The following SLC22A23 variants were observed in gnomAD, a reference collection of about 807,000 sequenced individuals.
SLC22A23 encodes the protein solute carrier family 22 member 23.
Under a neutral mutation model 61.0 loss-of-function variants are expected in SLC22A23, and 26 were observed. That is an observed-to-expected ratio of 0.43 (90% confidence interval 0.31 to 0.59). SLC22A23 has a LOEUF of 0.59. Ranked by LOEUF, SLC22A23 falls within the 20% of genes least tolerant of loss-of-function variation. The pLI is 0.11. For missense variants in SLC22A23, 796 were observed against 934.7 expected (o/e 0.85, Z 1.94); for synonymous variants, 430 against 413.9 (o/e 1.04, Z -0.47).
chr6:3,434,117 C>T (rs1309538139), intron 1 of SLC22A23, among the ~76,000 whole-genome samples: 1 of 152,082 alleles, frequency 6.6e-6, no homozygotes, highest in Non-Finnish European at 1.5e-5. Context: ...AGTTCGAGAC[C>T]AGCCTGACCA....
rs142766726 is a variant in SLC22A23 at position 3,409,974 on chromosome 6, G to A, written c.913+214C>T. Among the ~76,000 whole-genome samples, 1,118 of 152,266 alleles carry A rather than the reference G, an allele frequency of 7.3e-3. 4 individuals are homozygous for A. Among genetic ancestry groups the A allele is most frequent in the Middle Eastern group, 0.014 (4 of 294 alleles). ...CGCAACCTCCCGTGTCCTTTGATGT[G>A]CACTGAGCCCGAGCTGGAGATCAGG... On this transcript the variant is annotated intron_variant, in intron 3 of 9. Transcript: ENST00000406686.
rs1770564372 is a variant in SLC22A23 at position 3,427,281 on chromosome 6, T to C, written c.655-11426A>G. On this transcript the variant is annotated intron_variant, in intron 1 of 9. Coordinates refer to ENST00000406686, the MANE Select transcript of SLC22A23 (RefSeq NM_015482.2). The surrounding 1 kb of genome is among the most constrained non-coding windows in gnomAD (Gnocchi z 4.3). ...ACAAAGTGATTATTACTCATTAATT[T>C]TGTCTGTCAGTTAAGCAGGTCCTCG... is the stretch of plus-strand genomic sequence containing the variant. Among the ~76,000 whole-genome samples the C allele has an allele frequency of 6.6e-6, 1 of 152,152 alleles. No individual in the cohort carries two copies. The highest frequency in any genetic ancestry group is 1.5e-5 in the Non-Finnish European group (1 of 68,020).
At chr6:3,287,228 C>T (rs1388910326) in intron 6 of SLC22A23, 137 bp from the exon 7 acceptor site, 4 of 743,918 alleles carry the variant, frequency 5.4e-6, no homozygotes, top group African/African-American at 3.5e-5. Context: ...CCATCATGAC[C>T]GAACCACGAG....
intron 1 of SLC22A23, among the ~76,000 whole-genome samples, chr6:3,448,997 A>G (rs1290263369): frequency 6.6e-6 from 1 of 152,194 alleles, no homozygotes; most frequent in Non-Finnish European, 1.5e-5. Flanking sequence ...TATCTCCCAA[A>G]CGGAGGTGGA....
chr6:3,434,299 C>T lies in SLC22A23; in HGVS notation c.655-18444G>A, dbSNP rs148102821. On this transcript the variant is annotated intron_variant, in intron 1 of 9. Coordinates refer to ENST00000406686, the MANE Select transcript of SLC22A23 (RefSeq NM_015482.2). ...CTGTACTCCACCCTGGGCGACAGAG[C>T]GAAACTCTGTAAATAAATAAATAAA... Among the ~76,000 whole-genome samples, 278 of 151,756 alleles carry T rather than the reference C, an allele frequency of 1.8e-3. 1 individual carries two copies. Among genetic ancestry groups the T allele is most frequent in the African/African-American group, 6.5e-3 (267 of 41,340 alleles).
Position 3,317,265 on chromosome 6 carries a change from T to C in SLC22A23, c.1082+6569A>G, listed in dbSNP as rs563134947. On this transcript the variant is annotated intron_variant, in intron 4 of 9. Transcript: ENST00000406686. The surrounding 1 kb of genome is among the most constrained non-coding windows in gnomAD (Gnocchi z 4.4). ...TCCAAACACAAGACCAGGCTGTGTCTTGCACAAGGGCTCCCAGCTGAGGAA... is the reference window on the plus strand; with the variant it reads ...TCCAAACACAAGACCAGGCTGTGTCCTGCACAAGGGCTCCCAGCTGAGGAA... Among the ~76,000 whole-genome samples the C allele has an allele frequency of 6.6e-6, 1 of 152,338 alleles. No homozygotes were observed. The highest frequency in any genetic ancestry group is 2.4e-5 in the African/African-American group (1 of 41,574).
At chr6:3,431,460 T>C (rs928028) in intron 1 of SLC22A23, among the ~76,000 whole-genome samples, 142,417 of 152,264 alleles carry the variant, frequency 0.94, 66,756 homozygotes, top group East Asian at 0.97. Flanking sequence ...TTCAAAACCA[T>C]CTATGGGTGG....
In SLC22A23 at chr6:3,342,446, T is replaced by C. The variant is rs1581718747; in HGVS notation, c.914-18444A>G. On this transcript the variant is annotated intron_variant, in intron 3 of 9. Transcript: ENST00000406686. This position sits in a 1 kb window ranked among gnomAD's most constrained non-coding sequence, Gnocchi z 4.0. ...CACTAGGGTTCACGGCTCACCTCCTTTGAAACACACACACCTCTTTCTCTC... is the reference window on the plus strand; with the variant it reads ...CACTAGGGTTCACGGCTCACCTCCTCTGAAACACACACACCTCTTTCTCTC... Among the ~76,000 whole-genome samples the C allele has an allele frequency of 6.6e-6, 1 of 152,296 alleles. No homozygotes were observed. The highest frequency in any genetic ancestry group is 1.9e-4 in the East Asian group (1 of 5,188).
chr6:3,283,529 G>A (rs1004303340), intron 9 of SLC22A23: 50 of 357,020 alleles, frequency 1.4e-4, no homozygotes, highest in African/African-American at 8.7e-4. Flanking sequence ...ACAGGTTCTG[G>A]TGGAAGTGCG....
chr6:3,299,812 G>C (rs912235383), intron 4 of SLC22A23, among the ~76,000 whole-genome samples: 11 of 147,194 alleles, frequency 7.5e-5, no homozygotes, highest in Admixed American at 5.9e-4. Context: ...GCTGACCCTT[G>C]ACTGTTTGGG....
At chr6:3,363,027 G>A (rs1012881421) in intron 3 of SLC22A23, among the ~76,000 whole-genome samples, 6 of 152,198 alleles carry the variant, frequency 3.9e-5, no homozygotes, top group African/African-American at 1.4e-4. Context: ...CACTTGACCT[G>A]CTCAGCACTC....
intron 3 of SLC22A23, among the ~76,000 whole-genome samples, chr6:3,339,640 A>G (rs1208133317): frequency 6.6e-6 from 1 of 152,210 alleles, no homozygotes; most frequent in Admixed American, 6.5e-5. Flanking sequence ...CAAGATGGCC[A>G]CAAGAGTGAC....
At position 3,273,417 on chromosome 6, in the gene SLC22A23, A is replaced by AG. The variant is rs34366827; in HGVS notation, c.1704-6dup. ...ACCAGCCCCAGCCCGCCACACCTGC[A>AG]GGGGGAGGGAAGCACAGGGATTGCT... On this transcript the variant is annotated splice_polypyrimidine_tract_variant and splice_region_variant and intron_variant, in intron 9 of 9. Transcript: ENST00000406686. The AG allele has an allele frequency of 6.2e-7, 1 of 1,611,820 alleles. No homozygotes were observed. The highest frequency in any genetic ancestry group is 8.5e-7 in the Non-Finnish European group (1 of 1,179,714).
chr6:3,410,432 T>A lies in SLC22A23; in HGVS notation c.759-90A>T. ...AACCCGGTGTCCAGCAGGCACTCAA[T>A]ATATGTTGAATGAGTACTGGGTAAA... On this transcript the variant is annotated intron_variant, in intron 2 of 9. Coordinates refer to ENST00000406686, the MANE Select transcript of SLC22A23 (RefSeq NM_015482.2). The surrounding 1 kb of genome is among the most constrained non-coding windows in gnomAD (Gnocchi z 5.0). The A allele has an allele frequency of 1.4e-6, 2 of 1,380,940 alleles. No homozygotes were observed. The highest frequency in any genetic ancestry group is 9.8e-7 in the Non-Finnish European group (1 of 1,024,506). 85.5% of individuals were successfully genotyped at this position (1,380,940 alleles called of 1,614,324 possible).
chr6:3,369,123 C>T lies in SLC22A23; in HGVS notation c.913+41065G>A, dbSNP rs533448916. 4.1e-4 allele frequency among the ~76,000 whole-genome samples: 63 copies of T among 151,834 alleles called. 1 individual carries two copies. The Middle Eastern group carries it at 0.01, about 25-fold the overall frequency. On this transcript the variant is annotated intron_variant, in intron 3 of 9. Transcript: ENST00000406686. Reference sequence around the variant, plus strand: ...GAATAATTTAGCCCAGCTGATAATTCCTCTAGTCTTCTTCTAGCATTTCGT... The same window carrying T: ...GAATAATTTAGCCCAGCTGATAATTTCTCTAGTCTTCTTCTAGCATTTCGT...
In SLC22A23 at chr6:3,342,219, A is replaced by C. The variant is rs1203137169; in HGVS notation, c.914-18217T>G. The stretch of plus-strand genomic sequence containing the variant: ...CGTTTTGTTTCAAGATGGAAGCCTC[A>C]ATTTGAAATCCAGCCCAATGTGGTT... On this transcript the variant is annotated intron_variant, in intron 3 of 9. Coordinates refer to ENST00000406686, the MANE Select transcript of SLC22A23 (RefSeq NM_015482.2). This position sits in a 1 kb window ranked among gnomAD's most constrained non-coding sequence, Gnocchi z 4.0. Among the ~76,000 whole-genome samples, 1 of 152,192 alleles carries C rather than the reference A, an allele frequency of 6.6e-6. No individual in the cohort carries two copies. The highest frequency in any genetic ancestry group is 2.4e-5 in the African/African-American group (1 of 41,444).
At position 3,410,135 on chromosome 6, in the gene SLC22A23, A is replaced by C; in HGVS notation, c.913+53T>G. The C allele has an allele frequency of 6.4e-7, 1 of 1,561,506 alleles. No homozygotes were observed. The highest frequency in any genetic ancestry group is 8.7e-7 in the Non-Finnish European group (1 of 1,154,340). ...GTATCTTTCCCAGAACCTCCCAGGCAACAATACTTTTGCTAAATTCTTTCA... is the reference window on the plus strand; with the variant it reads ...GTATCTTTCCCAGAACCTCCCAGGCCACAATACTTTTGCTAAATTCTTTCA... On this transcript the variant is annotated intron_variant, in intron 3 of 9. Transcript: ENST00000406686. This position sits in a 1 kb window ranked among gnomAD's most constrained non-coding sequence, Gnocchi z 5.0.
chr6:3,280,817 G>A (rs1457800110), intron 9 of SLC22A23, among the ~76,000 whole-genome samples: 1 of 152,138 alleles, frequency 6.6e-6, no homozygotes. Flanking sequence ...ACTTTTTAAA[G>A]AAGTTGAACA....
chr6:3,405,736 G>C (rs1202135496), intron 3 of SLC22A23, among the ~76,000 whole-genome samples: 1 of 152,028 alleles, frequency 6.6e-6, no homozygotes, highest in Non-Finnish European at 1.5e-5. Context: ...AAATATATGG[G>C]ATAGTGAGAA....
Sources: allele counts gnomAD v4.1 joint callset (sites outside exome capture counted in the v4.1 genomes callset), GRCh38; gene constraint gnomAD v4.1.1; non-coding constraint Gnocchi (gnomAD v3.1); transcripts MANE v1.5; gene names NCBI Gene and HGNC (gene_info 2026-07-23, HGNC 2026-07-21).